Variants in ADAMTS13 observed in about 807,000 individuals in gnomAD.
The protein encoded by ADAMTS13 is A disintegrin and metalloproteinase with thrombospondin motifs 13.
Under a neutral mutation model 155.1 loss-of-function variants are expected in ADAMTS13, and 110 were observed. The observed-to-expected ratio is 0.71, with a 90% CI of 0.61 to 0.83. The LOEUF (loss-of-function observed/expected upper bound fraction) is 0.83. ADAMTS13 is among the 40% of genes least tolerant of loss of function. The pLI is 0.00. For missense variants in ADAMTS13, 1,707 were observed against 1,891.7 expected (o/e 0.90, Z 1.81); for synonymous variants, 758 against 756.4 (o/e 1.00, Z -0.03).
At chr9:133,457,074 AG>A in intron 27 of ADAMTS13, 2 of 377,840 alleles carry the variant, frequency 5.3e-6, no homozygotes. Flanking sequence ...ACTGTCCCTC[AG>A]CCCTGTTTCA....
chr9:133,430,051 G>T lies in ADAMTS13; in HGVS notation c.937G>T (p.Val313Leu). Residue 313 changes from valine (V) to leucine (L), a missense_variant, in exon 8 of 29, where the codon GTG becomes TTG. By Grantham distance (32) the Val-to-Leu change is conservative. Transcript: ENST00000355699. ...LYYSANEQCR[V>L]AFGPKAVACT... ...CTACAGCGCCAACGAGCAGTGCCGC[G>T]TGGCCTTCGGCCCCAAGGCTGTCGC... 1 of 1,595,580 alleles carries T rather than the reference G, an allele frequency of 6.3e-7. No individual in the cohort carries two copies. The highest frequency in any genetic ancestry group is 8.5e-7 in the Non-Finnish European group (1 of 1,176,380).
At chr9:133,427,278 CT>C (rs781983078) in intron 6 of ADAMTS13, among the ~76,000 whole-genome samples, 1 of 152,304 alleles carries the variant, frequency 6.6e-6, no homozygotes, top group South Asian at 2.1e-4. Flanking sequence ...GTTATGCATT[CT>C]TGTGGGCAAA....
At chr9:133,442,267 G>A in intron 16 of ADAMTS13, 132 bp from the exon 17 acceptor site, 2 of 1,416,604 alleles carry the variant, frequency 1.4e-6, no homozygotes, top group East Asian at 2.3e-5. Context: ...TACCGTGCCT[G>A]GCCAGTGATT....
chr9:133,454,640 G>A, intron 24 of ADAMTS13, 21 bp downstream of exon 24: 2 of 1,577,128 alleles, frequency 1.3e-6, no homozygotes, highest in Non-Finnish European at 1.7e-6. Flanking sequence ...CGGGCACTCG[G>A]AATCCCTATG....
At chr9:133,451,557 C>G (rs1842435526) in intron 23 of ADAMTS13, among the ~76,000 whole-genome samples, 1 of 152,184 alleles carries the variant, frequency 6.6e-6, no homozygotes, top group Non-Finnish European at 1.5e-5. Context: ...CACACCTGGC[C>G]AGCCTCCTTA....
upstream of ADAMTS13, chr9:133,422,198 G>C (rs1839997463): frequency 8.5e-6 from 5 of 591,390 alleles, no homozygotes; most frequent in Non-Finnish European, 1.2e-5. Flanking sequence ...CTGGTGTGCA[G>C]GACTGGGCTG....
In ADAMTS13 at chr9:133,426,237, G is replaced by T. The variant is rs782083669; in HGVS notation, c.578G>T (p.Arg193Leu). 3 of 1,613,422 alleles carry T rather than the reference G, an allele frequency of 1.9e-6. No homozygotes were observed. The highest frequency in any genetic ancestry group is 2.5e-6 in the Non-Finnish European group (3 of 1,179,990). Reference protein sequence around the residue: ...LELPDGNRQVRGVTQLGGACS... With the variant: ...LELPDGNRQVLGVTQLGGACS... ...TTGCCTGATGGTAACCGGCAGGTGC[G>T]GGGCGTCACCCAGCTGGGCGGTGCC... Residue 193 changes from arginine to leucine, a missense_variant, in exon 6 of 29, where the codon CGG becomes CTG. By Grantham distance (102) the Arg-to-Leu change is moderately radical (BLOSUM62 -2). Around this residue, in one of 3 missense-constraint regions of ADAMTS13, gnomAD observed 733 missense variants for 749.6 expected, o/e 0.98. Coordinates refer to ENST00000355699, the MANE Select transcript of ADAMTS13 (RefSeq NM_139027.6).
chr9:133,437,726 C>A (rs1377830776), intron 12 of ADAMTS13, 23 bp from the exon 13 acceptor site: 1 of 1,613,562 alleles, frequency 6.2e-7, no homozygotes, highest in African/African-American at 1.3e-5. Flanking sequence ...TTCAGGACAC[C>A]CTTTTTCACT....
At position 133,422,464 on chromosome 9, in the gene ADAMTS13, G is replaced by A; in HGVS notation, c.21G>A (p.Arg7=). 1.2e-6 allele frequency: 2 copies of A among 1,613,946 alleles called. No homozygotes were observed. Among genetic ancestry groups the A allele is most frequent in the East Asian group, 2.2e-5 (1 of 44,878 alleles). ...TGAGGATGCACCAGCGTCACCCCCGGGCAAGATGCCCTCCCCTCTGTGTGG... is the reference window on the plus strand; with the variant it reads ...TGAGGATGCACCAGCGTCACCCCCGAGCAAGATGCCCTCCCCTCTGTGTGG... MHQRHP[R]ARCPPLCVAG... The change falls in exon 1 of 29, where the codon CGG becomes CGA. Residue 7 remains arginine (R), a synonymous_variant. Transcript: ENST00000355699.
At chr9:133,438,069 G>T (rs141095935) in intron 13 of ADAMTS13, among the ~76,000 whole-genome samples, 172 bp downstream of exon 13, 2 of 152,216 alleles carry the variant, frequency 1.3e-5, no homozygotes, top group African/African-American at 4.8e-5. Context: ...AAGGGCTGCA[G>T]TGTGACCTTG....
chr9:133,417,842 C>A, upstream of ADAMTS13: 5 of 1,599,032 alleles, frequency 3.1e-6, no homozygotes, highest in Non-Finnish European at 4.2e-6. Flanking sequence ...TCGCCTTCCC[C>A]ATCCTGCTGC....
upstream of ADAMTS13, chr9:133,418,093 C>G: frequency 1.9e-6 from 1 of 530,288 alleles, no homozygotes; most frequent in Non-Finnish European, 3.3e-6. Context: ...TCTGGTTCCG[C>G]GCAGCCTGGG....
Position 133,433,303 on chromosome 9 carries a change from G to A in ADAMTS13, c.1093-75G>A, listed in dbSNP as rs76576288. ...TTGGGGATCCCTGAGGATGTTGGGG[G>A]ACTCTCTGTGTGTGTTGGGAGTCCT... On this transcript the variant is annotated intron_variant, in intron 9 of 28. Transcript: ENST00000355699. 3.6e-3 allele frequency: 5,691 copies of A among 1,593,950 alleles called. 104 individuals are homozygous for A. In the East Asian group the frequency reaches 0.06, roughly 17 times the overall value.
chr9:133,433,248 G>A (rs1840907959), intron 9 of ADAMTS13, 130 bp from the exon 10 acceptor site: 1 of 1,256,396 alleles, frequency 8.0e-7, no homozygotes, highest in Non-Finnish European at 1.1e-6. Context: ...GTGTGTTTGG[G>A]GGTCGCTGTG....
chr9:133,452,102 C>T (rs1446508794), intron 23 of ADAMTS13, among the ~76,000 whole-genome samples: 1 of 148,358 alleles, frequency 6.7e-6, no homozygotes, highest in East Asian at 2.0e-4. Context: ...GGGCTTTCTA[C>T]TGGGTTTTTT....
chr9:133,429,295 C>T (rs1840541823), intron 7 of ADAMTS13, among the ~76,000 whole-genome samples: 2 of 142,950 alleles, frequency 1.4e-5, no homozygotes, highest in South Asian at 4.6e-4. Flanking sequence ...TGCGCCCACC[C>T]CTGCGTCCTC....
upstream of ADAMTS13, chr9:133,417,708 C>G: frequency 6.2e-7 from 1 of 1,614,162 alleles, no homozygotes; most frequent in African/African-American, 1.3e-5. Context: ...TGGCTTCTTG[C>G]TTACTTCCCG....
Position 133,448,580 on chromosome 9 carries a change from C to A in ADAMTS13, c.2732-19C>A. On this transcript the variant is annotated intron_variant, in intron 21 of 28. Transcript: ENST00000355699. ...GAGCCTGTCCCTTGGGGCTCTGGGT[C>A]TCTGCTTTGTCCACGCAGGTCTGAT... 1 of 1,608,110 alleles carries A rather than the reference C, an allele frequency of 6.2e-7. No individual in the cohort carries two copies. The highest frequency in any genetic ancestry group is 1.1e-5 in the South Asian group (1 of 90,932).
chr9:133,451,449 G>T (rs1554794328), intron 23 of ADAMTS13, among the ~76,000 whole-genome samples: 2 of 152,056 alleles, frequency 1.3e-5, no homozygotes, highest in African/African-American at 4.8e-5. Flanking sequence ...GTAGAGACAG[G>T]GTTTCACCAT....
Sources: gnomAD v4.1 joint callset for allele counts (sites outside exome capture counted in the v4.1 genomes callset) on GRCh38, gnomAD v4.1.1 for gene constraint, gnomAD v4.1.1 regional missense constraint, MANE v1.5 for transcripts, NCBI Gene and HGNC (gene_info 2026-07-23, HGNC 2026-07-21) for gene names.